SDCCAG8: variants seen among roughly 807,000 people sequenced by gnomAD.
The protein encoded by SDCCAG8 is SHH signaling and ciliogenesis regulator SDCCAG8.
In SDCCAG8, 74 loss-of-function variants were observed where a neutral mutation model predicts 101.8. That is an observed-to-expected ratio of 0.73 (90% confidence interval 0.60 to 0.88). SDCCAG8 has a LOEUF of 0.88. SDCCAG8 is among the 40% of genes least tolerant of loss of function. The probability of loss-of-function intolerance (pLI) is 0.00; values close to 1 mark genes in which losing one functional copy is unlikely to be tolerated. For missense variants in SDCCAG8, 787 were observed against 822.6 expected, an observed-to-expected ratio of 0.96 and a Z score of 0.53; for synonymous variants, 281 against 292.9, an observed-to-expected ratio of 0.96 and a Z score of 0.41.
intron 1 of SDCCAG8, among the ~76,000 whole-genome samples, chr1:243,260,239 A>G (rs1023126173): frequency 6.6e-6 from 1 of 152,232 alleles, no homozygotes; most frequent in African/African-American, 2.4e-5. Flanking sequence ...AGTGTGGTTA[A>G]AAGTGTATGT....
At chr1:243,443,948 T>G (rs999576472) in intron 16 of SDCCAG8, among the ~76,000 whole-genome samples, 8 of 152,206 alleles carry the variant, frequency 5.3e-5, no homozygotes, top group African/African-American at 1.7e-4. Flanking sequence ...TTTCAGACTC[T>G]TGGAACTCTT....
intron 16 of SDCCAG8, among the ~76,000 whole-genome samples, chr1:243,452,386 T>A (rs1574123455): frequency 6.6e-6 from 1 of 151,486 alleles, no homozygotes; most frequent in South Asian, 2.1e-4. Flanking sequence ...CTTTTTGACT[T>A]CTCCCTACCC....
chr1:243,490,929 C>T (rs1451520186), intron 17 of SDCCAG8, among the ~76,000 whole-genome samples: 1 of 152,234 alleles, frequency 6.6e-6, no homozygotes, highest in Admixed American at 6.5e-5. Context: ...AAGATCAGGA[C>T]CACTGGAGCC....
chr1:243,378,903 A>T lies in SDCCAG8; in HGVS notation c.1616+40A>T, dbSNP rs749815961. On this transcript the variant is annotated intron_variant, in intron 13 of 17. Coordinates refer to ENST00000366541, the MANE Select transcript of SDCCAG8 (RefSeq NM_006642.5). ...CATTATGCGCCATAGCACCGATTTC[A>T]TTCCACTGATTTTTGCCACAGGCTT... 3.1e-6 allele frequency: 5 copies of T among 1,613,406 alleles called. No individual in the cohort carries two copies. The Admixed American group carries it at 5.0e-5, about 16-fold the overall frequency.
rs191900712 is a variant in SDCCAG8, at chr1:243,258,967, C to T, written c.67+2727C>T. 7.2e-3 allele frequency among the ~76,000 whole-genome samples: 1,030 copies of T among 142,870 alleles called. 11 individuals are homozygous for T. Among genetic ancestry groups the T allele is most frequent in the African/African-American group, 0.024 (972 of 40,916 alleles). 93.7% of individuals were successfully genotyped at this position (142,870 alleles called of 152,430 possible). A position where few individuals can be genotyped will look rare whatever the true frequency, so the allele number is the denominator to read the frequency against. On this transcript the variant is annotated intron_variant, in intron 1 of 17. Transcript: ENST00000366541. ...ATAAACAGTCTTGGTCTTTCCTCACCGGTTTTTCCTCTAGCTTGTAAATAA... is the reference window on the plus strand; with the variant it reads ...ATAAACAGTCTTGGTCTTTCCTCACTGGTTTTTCCTCTAGCTTGTAAATAA...
At position 243,256,388 on chromosome 1, in the gene SDCCAG8, A is replaced by G. The variant is rs1192211520; in HGVS notation, c.67+148A>G. 7.2e-6 allele frequency: 5 copies of G among 692,198 alleles called. No homozygotes were observed. The East Asian group carries it at 1.4e-4, about 19-fold the overall frequency. The allele number at this position is 692,198 out of a possible 1,614,324, so 42.9% of individuals were successfully genotyped here. ...GGATGTTGCTGTGGTCTTGAGGAGG[A>G]TGAAATAGTTTGATTTAGTTTTTAC... On this transcript the variant is annotated intron_variant, in intron 1 of 17. Transcript: ENST00000366541.
At chr1:243,414,366 A>C (rs576421587) in intron 13 of SDCCAG8, among the ~76,000 whole-genome samples, 3 of 152,192 alleles carry the variant, frequency 2.0e-5, no homozygotes, top group Non-Finnish European at 4.4e-5. Flanking sequence ...TAGTCTGACT[A>C]TCCATTTGTT....
At chr1:243,379,013 A>C (rs1573674928) in intron 13 of SDCCAG8, 150 bp downstream of exon 13, 1 of 947,428 alleles carries the variant, frequency 1.1e-6, no homozygotes, top group East Asian at 2.5e-5. Flanking sequence ...TGTGGTAAGC[A>C]AAACACCCAG....
At chr1:243,293,652 A>G (rs905484223) in intron 6 of SDCCAG8, among the ~76,000 whole-genome samples, 1 of 152,154 alleles carries the variant, frequency 6.6e-6, no homozygotes, top group African/African-American at 2.4e-5. Flanking sequence ...GTTCCATTGT[A>G]TGTATGTTAC....
chr1:243,429,763 G>A (rs1216343990), intron 16 of SDCCAG8, among the ~76,000 whole-genome samples: 5 of 144,062 alleles, frequency 3.5e-5, no homozygotes, highest in Admixed American at 2.9e-4. Flanking sequence ...GTGCAGTAGC[G>A]CGATCTCGGC....
chr1:243,432,886 A>G (rs1281304571), intron 16 of SDCCAG8, among the ~76,000 whole-genome samples: 4 of 152,146 alleles, frequency 2.6e-5, no homozygotes, highest in Admixed American at 6.5e-5. Flanking sequence ...TCTTTATTAT[A>G]TATAATAATG....
chr1:243,289,963 C>G (rs572892489), intron 5 of SDCCAG8, among the ~76,000 whole-genome samples: 53 of 152,050 alleles, frequency 3.5e-4, no homozygotes, highest in African/African-American at 1.2e-3. Flanking sequence ...AAGAAGCAAG[C>G]CATTCAAAGT....
At chr1:243,434,759 G>A (rs1470574895) in intron 16 of SDCCAG8, among the ~76,000 whole-genome samples, 1 of 152,230 alleles carries the variant, frequency 6.6e-6, no homozygotes, top group Non-Finnish European at 1.5e-5. Context: ...GGGAAGGCCA[G>A]ATCAGACTGC....
intron 13 of SDCCAG8, among the ~76,000 whole-genome samples, chr1:243,396,573 A>T (rs1238342446): frequency 6.6e-6 from 1 of 152,252 alleles, no homozygotes; most frequent in Non-Finnish European, 1.5e-5. Flanking sequence ...CTAATTCATT[A>T]GTGAAAATAT....
At chr1:243,446,350 T>G (rs1423404505) in intron 16 of SDCCAG8, among the ~76,000 whole-genome samples, 2 of 152,180 alleles carry the variant, frequency 1.3e-5, no homozygotes, top group East Asian at 3.9e-4. Flanking sequence ...TACTGTAGCC[T>G]CAACATCCTG....
chr1:243,494,263 C>T (rs560164388), intron 17 of SDCCAG8, among the ~76,000 whole-genome samples: 3 of 152,196 alleles, frequency 2.0e-5, no homozygotes, highest in African/African-American at 7.2e-5. Context: ...TTGTCAGTCT[C>T]AAAAATAAAC....
intron 10 of SDCCAG8, among the ~76,000 whole-genome samples, chr1:243,334,961 A>G (rs1463973008): frequency 6.6e-6 from 1 of 152,148 alleles, no homozygotes; most frequent in Non-Finnish European, 1.5e-5. Context: ...GTGGGCTCCC[A>G]TAGCTCACTT....
At chr1:243,404,633 C>G (rs1473912901) in intron 13 of SDCCAG8, among the ~76,000 whole-genome samples, 1 of 152,026 alleles carries the variant, frequency 6.6e-6, no homozygotes, top group African/African-American at 2.4e-5. Context: ...CTTTTTACCT[C>G]CAGAATTGTG....
intron 9 of SDCCAG8, among the ~76,000 whole-genome samples, chr1:243,324,480 T>TTTTC (rs61021064): frequency 1.3e-5 from 2 of 149,140 alleles, no homozygotes; most frequent in East Asian, 2.0e-4. Flanking sequence ...TTTTTTTTTT[T>TTTTC]CAGAGACAGG....
Sources: gnomAD v4.1 joint callset for allele counts (sites outside exome capture counted in the v4.1 genomes callset) on GRCh38, gnomAD v4.1.1 for gene constraint, MANE v1.5 for transcripts, NCBI Gene and HGNC (gene_info 2026-07-23, HGNC 2026-07-21) for gene names.